Variants in A1BG observed in about 807,000 individuals in gnomAD.
The protein encoded by A1BG is alpha-1B-glycoprotein.
A neutral mutation model predicts 46.0 loss-of-function variants in A1BG; 44 were observed. That is an observed-to-expected ratio of 0.96 (90% confidence interval 0.75 to 1.23). The LOEUF is 1.23. A1BG is among the 50% of genes most tolerant of loss of function. The probability of loss-of-function intolerance (pLI) is 0.00; values close to 1 mark genes in which losing one functional copy is unlikely to be tolerated. For synonymous variants in A1BG, 316 were observed against 314.7 expected (o/e 1.00, Z -0.04); for missense variants, 707 against 688.8 (o/e 1.03, Z -0.30).
rs1310231761 is a variant in A1BG at position 58,351,501 on chromosome 19, T to C, written c.800A>G (p.Asn267Ser). 6.2e-7 allele frequency: 1 copy of C among 1,613,756 alleles called. No individual in the cohort carries two copies. Among genetic ancestry groups the C allele is most frequent in the South Asian group, 1.1e-5 (1 of 91,076 alleles). ...TSPDRIFFHLNAVALGDGGHY... is the reference protein window; with the variant it reads ...TSPDRIFFHLSAVALGDGGHY... ...ACCTCCATCCCCCAGGGCCACCGCGTTCAGGTGAAAGAAGATGCGATCTGG... is the reference window on the plus strand; with the variant it reads ...ACCTCCATCCCCCAGGGCCACCGCGCTCAGGTGAAAGAAGATGCGATCTGG... Residue 267 changes from asparagine (N) to serine (S), a missense_variant, in exon 5 of 8, where the codon AAC (asparagine) becomes AGC (serine). Asn to Ser is a conservative substitution (Grantham distance 46). Coordinates refer to ENST00000263100, the MANE Select transcript of A1BG (RefSeq NM_130786.4).
In A1BG at chr19:58,347,022, T is replaced by A. The variant is rs1600501839; in HGVS notation, c.1488A>T (p.Ter496CysextTer83). 6.2e-7 allele frequency: 1 copy of A among 1,613,984 alleles called. No individual in the cohort carries two copies. Residue 496 changes from the stop codon to cysteine, a stop_lost, in exon 8 of 8, where the codon TGA (stop) becomes TGT (cysteine). Coordinates refer to ENST00000263100, the MANE Select transcript of A1BG (RefSeq NM_130786.4). Reference sequence around the variant, plus strand: ...ACAGCACCCTGGGCCCGCGGCTGCATCAGCTTTCTAGACAACGGGAGAAAA... The same window carrying A: ...ACAGCACCCTGGGCCCGCGGCTGCAACAGCTTTCTAGACAACGGGAGAAAA... ...DPVELLVAES* is the reference protein window; with the variant it reads ...DPVELLVAESC
chr19:58,347,677 C>CCCCAGGCCACGCCCCAGGCCGCT lies in A1BG; in HGVS notation c.1193-38_1193-37insAGCGGCCTGGGGCGTGGCCTGGG, dbSNP rs1555779284. 1.6e-5 allele frequency: 11 copies of CCCCAGGCCACGCCCCAGGCCGCT among 671,800 alleles called. No homozygotes were observed. The African/African-American group carries it at 1.9e-4, about 11-fold the overall frequency. 41.6% of individuals were successfully genotyped at this position (671,800 alleles called of 1,614,324 possible). On this transcript the variant is annotated intron_variant, in intron 6 of 7. Transcript: ENST00000263100. ...GGGCGGGTGGTCGGGCCAGGCCACG[C>CCCCAGGCCACGCCCCAGGCCGCT]CCCAGGCCACGCCCCAGGCCACACC...
Position 58,352,307 on chromosome 19 carries a change from C to A in A1BG, c.589G>T (p.Ala197Ser), listed in dbSNP as rs144826779. Residue 197 changes from alanine to serine, a missense_variant, in exon 4 of 8, where the codon GCT (alanine) becomes TCT (serine). By Grantham distance (99) the Ala-to-Ser change is moderately conservative. Coordinates refer to ENST00000263100, the MANE Select transcript of A1BG (RefSeq NM_130786.4). ...CCGAGCTCCTCAATGGTCACAGTAG[C>A]GCTGGGCTCAGAGAGGGCGCCTTCC... ...DGEGALSEPS[A>S]TVTIEELAAP... 4 of 1,613,742 alleles carry A rather than the reference C, an allele frequency of 2.5e-6. No homozygotes were observed. The East Asian group carries it at 8.9e-5, about 36-fold the overall frequency.
Position 58,345,686 on chromosome 19 carries a change from A to G in A1BG, c.*1336T>C, listed in dbSNP as rs963929941. On this transcript the variant is annotated 3_prime_UTR_variant, in exon 8 of 8. Coordinates refer to ENST00000263100, the MANE Select transcript of A1BG (RefSeq NM_130786.4). ...TCTGTCTCAAAAACAAATAAACAAG[A>G]AAAGGTTTTAAAAATTGATAAACCA... 4 of 152,500 alleles carry G rather than the reference A, an allele frequency of 2.6e-5. No homozygotes were observed. Among genetic ancestry groups the G allele is most frequent in the African/African-American group, 9.7e-5 (4 of 41,448 alleles). 9.4% of individuals were successfully genotyped at this position (152,500 alleles called of 1,614,324 possible).
At chr19:58,350,334 C>G in intron 6 of A1BG, 36 bp downstream of exon 6, 1 of 1,515,936 alleles carries the variant, frequency 6.6e-7, no homozygotes, top group Non-Finnish European at 8.9e-7. Context: ...GGGCACTGAA[C>G]CCGCGCCCGC....
chr19:58,350,283 C>G, intron 6 of A1BG, 87 bp downstream of exon 6: 1 of 1,432,170 alleles, frequency 7.0e-7, no homozygotes, highest in Non-Finnish European at 9.2e-7. Context: ...GCGCCGCCGT[C>G]GGACGCCCAA....
In A1BG at chr19:58,350,352, G is replaced by C. The variant is rs2147999826; in HGVS notation, c.1192+18C>G. The stretch of plus-strand genomic sequence containing the variant: ...CACTGAACCCGCGCCCGCCCTCGCT[G>C]GTGCCCCGCCAGCTCACCGTCCACG... On this transcript the variant is annotated intron_variant, in intron 6 of 7. Coordinates refer to ENST00000263100, the MANE Select transcript of A1BG (RefSeq NM_130786.4). 1 of 1,526,782 alleles carries C rather than the reference G, an allele frequency of 6.5e-7. No homozygotes were observed. The highest frequency in any genetic ancestry group is 1.4e-5 in the African/African-American group (1 of 71,760). 94.6% of individuals were successfully genotyped at this position (1,526,782 alleles called of 1,614,324 possible).
In A1BG at chr19:58,350,413, G is replaced by A. The variant is rs1397096664; in HGVS notation, c.1149C>T (p.Phe383=). The change falls in exon 6 of 8, where the codon TTC becomes TTT. Residue 383 remains phenylalanine, a synonymous_variant. Transcript: ENST00000263100. The part of the protein sequence containing the change: ...SCVYVDLKPP[F]GGSAPSERLE... Reference sequence around the variant, plus strand: ...AGCGCTCGCTGGGCGCGGAGCCCCCGAAAGGCGGCTTCAGGTCCACGTAGA... The same window carrying A: ...AGCGCTCGCTGGGCGCGGAGCCCCCAAAAGGCGGCTTCAGGTCCACGTAGA... 5 of 1,550,166 alleles carry A rather than the reference G, an allele frequency of 3.2e-6. No individual in the cohort carries two copies. Among genetic ancestry groups the A allele is most frequent in the East Asian group, 4.9e-5 (2 of 40,934 alleles).
At chr19:58,350,745 T>G (rs2148000172) in intron 5 of A1BG, 94 bp from the exon 6 acceptor site, 11 of 1,267,072 alleles carry the variant, frequency 8.7e-6, no homozygotes, top group Non-Finnish European at 1.1e-5. Flanking sequence ...TGGCTGAGTC[T>G]TCTGCCCGCA....
intron 4 of A1BG, 76 bp downstream of exon 4, chr19:58,352,207 G>A: frequency 1.3e-6 from 2 of 1,561,646 alleles, no homozygotes; most frequent in South Asian, 2.4e-5. Context: ...ATTCAGCATG[G>A]AGGTCAGGAT....
At position 58,353,070 on chromosome 19, in the gene A1BG, G is replaced by A. The variant is rs1459788726; in HGVS notation, c.198C>T (p.Ala66=). 4.3e-6 allele frequency: 7 copies of A among 1,614,000 alleles called. No homozygotes were observed. The highest frequency in any genetic ancestry group is 5.9e-6 in the Non-Finnish European group (7 of 1,180,040). The change falls in exon 3 of 8, where the codon GCC becomes GCT. Residue 66 remains alanine, a synonymous_variant. Coordinates refer to ENST00000263100, the MANE Select transcript of A1BG (RefSeq NM_130786.4). ...GTGAGTCAAGGTGCACAGGCTCCTG[G>A]GCCACCCCATTCTTGAACAGCTGGA... ...PDFQLFKNGV[A]QEPVHLDSPA...
rs1568552337 is a variant in A1BG, at chr19:58,347,698, A to AGGC, written c.1193-59_1193-58insGCC. On this transcript the variant is annotated intron_variant, in intron 6 of 7. Transcript: ENST00000263100. ...CACGCCCCAGGCCACGCCCCAGGCCACACCCCAGGCCACACCCCAGGCCGC... is the reference window on the plus strand; with the variant it reads ...CACGCCCCAGGCCACGCCCCAGGCCAGGCCACCCCAGGCCACACCCCAGGCCGC... 16 of 604,808 alleles carry AGGC rather than the reference A, an allele frequency of 2.6e-5. No homozygotes were observed. In the Admixed American group the frequency reaches 3.8e-4, roughly 14 times the overall value. The allele number at this position is 604,808 out of a possible 1,614,324, so 37.5% of individuals were successfully genotyped here.
intron 6 of A1BG, 68 bp from the exon 7 acceptor site, chr19:58,347,708 C>T: frequency 8.4e-7 from 1 of 1,191,406 alleles, no homozygotes; most frequent in Non-Finnish European, 1.1e-6. Flanking sequence ...ACACCCCAGG[C>T]CACACCCCAG....
At chr19:58,351,328 C>G (rs1371027783) in intron 5 of A1BG, 63 bp downstream of exon 5, 1 of 1,579,234 alleles carries the variant, frequency 6.3e-7, no homozygotes, top group Non-Finnish European at 8.6e-7. Context: ...GACTCTACAC[C>G]TGGTACTGCT....
At position 58,347,571 on chromosome 19, in the gene A1BG, A is replaced by G. The variant is rs2051923161; in HGVS notation, c.1262T>C (p.Leu421Pro). Residue 421 changes from leucine to proline, a missense_variant, in exon 7 of 8, where the codon CTG becomes CCG. Leu to Pro is a moderately conservative substitution (Grantham distance 98). Coordinates refer to ENST00000263100, the MANE Select transcript of A1BG (RefSeq NM_130786.4). ...GAVLAGRDAV[L>P]RCEGPIPDVT... is the part of the protein sequence containing the mutation. Reference sequence around the variant, plus strand: ...GTCGGGGATGGGTCCCTCGCAGCGCAGGACGGCATCTCGGCCCGCCAGGAC... The same window carrying G: ...GTCGGGGATGGGTCCCTCGCAGCGCGGGACGGCATCTCGGCCCGCCAGGAC... 6.5e-7 allele frequency: 1 copy of G among 1,543,192 alleles called. No homozygotes were observed.
At position 58,347,589 on chromosome 19, in the gene A1BG, G is replaced by A. The variant is rs1225577794; in HGVS notation, c.1244C>T (p.Ala415Val). 6.6e-7 allele frequency: 1 copy of A among 1,512,580 alleles called. No homozygotes were observed. Among genetic ancestry groups the A allele is most frequent in the Non-Finnish European group, 8.8e-7 (1 of 1,135,948 alleles). The allele number at this position is 1,512,580 out of a possible 1,614,324, so 93.7% of individuals were successfully genotyped here. ...LRATWSGAVLAGRDAVLRCEG... is the reference protein window; with the variant it reads ...LRATWSGAVLVGRDAVLRCEG... ...GCAGCGCAGGACGGCATCTCGGCCC[G>A]CCAGGACCGCCCCACTCCACGTCGC... is the stretch of plus-strand genomic sequence containing the variant. Residue 415 changes from alanine (A) to valine (V), a missense_variant, in exon 7 of 8, where the codon GCG becomes GTG. Physicochemically the swap from Ala to Val is moderately conservative, Grantham distance 64 (BLOSUM62 0). Coordinates refer to ENST00000263100, the MANE Select transcript of A1BG (RefSeq NM_130786.4).
intron 6 of A1BG, 97 bp downstream of exon 6, chr19:58,350,273 G>C: frequency 7.1e-7 from 1 of 1,406,740 alleles, no homozygotes; most frequent in South Asian, 1.5e-5. Context: ...AAGGCCCAGA[G>C]CGCCGCCGTC....
chr19:58,350,241 G>T (rs538616108), intron 6 of A1BG, 129 bp downstream of exon 6: 72 of 1,197,332 alleles, frequency 6.0e-5, no homozygotes, highest in Admixed American at 9.2e-5. Context: ...TCCCCGCCGG[G>T]GTAGGCGATG....
intron 4 of A1BG, chr19:58,351,918 C>A: frequency 1.4e-6 from 1 of 704,346 alleles, no homozygotes; most frequent in Non-Finnish European, 2.3e-6. Flanking sequence ...GCCTCAGCCT[C>A]CTGAGTAGCT....
Sources: allele counts gnomAD v4.1 joint callset, GRCh38; gene constraint gnomAD v4.1.1; transcripts MANE v1.5; gene names NCBI Gene and HGNC (gene_info 2026-07-23, HGNC 2026-07-21).